Variants in PLEKHM3 observed in about 807,000 individuals in gnomAD.
The protein encoded by PLEKHM3 is pleckstrin homology domain containing M3.
In PLEKHM3, 45 loss-of-function variants were observed where a neutral mutation model predicts 81.8. The observed-to-expected ratio is 0.55, with a 90% CI of 0.43 to 0.71. The LOEUF (loss-of-function observed/expected upper bound fraction) is 0.71. PLEKHM3 is among the 30% of genes least tolerant of loss of function. The pLI, the probability that PLEKHM3 is intolerant of heterozygous loss-of-function variation, is 0.00. For missense variants in PLEKHM3, 788 were observed against 924.3 expected, an observed-to-expected ratio of 0.85 and a Z score of 1.91; for synonymous variants, 352 against 356.4, an observed-to-expected ratio of 0.99 and a Z score of 0.14.
At chr2:207,829,670 G>A (rs1318737994) in intron 7 of PLEKHM3, among the ~76,000 whole-genome samples, 1 of 152,094 alleles carries the variant, frequency 6.6e-6, no homozygotes, top group East Asian at 1.9e-4. Flanking sequence ...ATCCTTCCAC[G>A]AGGGTAACAG....
At chr2:207,927,932 C>T (rs1452138192) in intron 5 of PLEKHM3, among the ~76,000 whole-genome samples, 1 of 152,030 alleles carries the variant, frequency 6.6e-6, no homozygotes, top group African/African-American at 2.4e-5. Flanking sequence ...ATAAATCATC[C>T]CTGGTTGTTT....
intron 6 of PLEKHM3, among the ~76,000 whole-genome samples, chr2:207,893,499 G>A (rs1439498207): frequency 6.6e-6 from 1 of 152,154 alleles, no homozygotes; most frequent in Non-Finnish European, 1.5e-5. Context: ...TTAGAAGTTG[G>A]GTTTTTTAAC....
intron 6 of PLEKHM3, among the ~76,000 whole-genome samples, chr2:207,905,660 G>A (rs189165334): frequency 5.9e-5 from 9 of 152,254 alleles, no homozygotes; most frequent in Admixed American, 3.9e-4. Flanking sequence ...AAAAGTAATC[G>A]AATTAAACTT....
intron 3 of PLEKHM3, among the ~76,000 whole-genome samples, chr2:207,956,316 A>C (rs7567046): frequency 0.59 from 89,619 of 151,344 alleles, 26,929 homozygotes; most frequent in Middle Eastern, 0.79. Flanking sequence ...AATACACACA[A>C]AAAAAAATTA....
At chr2:207,974,369 G>A (rs1410810708) in intron 3 of PLEKHM3, among the ~76,000 whole-genome samples, 2 of 152,190 alleles carry the variant, frequency 1.3e-5, no homozygotes, top group Admixed American at 6.5e-5. Flanking sequence ...TACGAATGCA[G>A]TGCAGAGCAT....
At position 207,837,761 on chromosome 2, in the gene PLEKHM3, ATTTTTTTT is replaced by A. The variant is rs1194861994; in HGVS notation, c.2109-9273_2109-9266del. Among the ~76,000 whole-genome samples the A allele has an allele frequency of 7.1e-4, 53 of 74,736 alleles. 2 individuals are homozygous for A. Among genetic ancestry groups the A allele is most frequent in the South Asian group, 1.1e-3 (2 of 1,848 alleles). 49.0% of individuals were successfully genotyped at this position (74,736 alleles called of 152,430 possible). On this transcript the variant is annotated intron_variant, in intron 7 of 7. Transcript: ENST00000427836. Reference sequence around the variant, plus strand: ...GCCACGGCGCCTGGCCGGTTCTTCCATTTTTTTTTTTTTTTTTTTTTTTTTTTGAGATT... The same window carrying A: ...GCCACGGCGCCTGGCCGGTTCTTCCATTTTTTTTTTTTTTTTTTTGAGATT...
At chr2:207,841,194 C>T (rs896867230) in intron 7 of PLEKHM3, among the ~76,000 whole-genome samples, 2 of 150,962 alleles carry the variant, frequency 1.3e-5, no homozygotes, top group African/African-American at 2.4e-5. Flanking sequence ...AGACTGGGCG[C>T]GGTGGCTCAC....
At chr2:207,873,330 T>A (rs2092544674) in intron 6 of PLEKHM3, among the ~76,000 whole-genome samples, 1 of 152,160 alleles carries the variant, frequency 6.6e-6, no homozygotes, top group South Asian at 2.1e-4. Flanking sequence ...TCTATGACCT[T>A]TTCTGTTAAT....
At chr2:208,024,161 A>ACTGAACTGAACTGAACTGAAC (rs1559289177) in intron 1 of PLEKHM3, among the ~76,000 whole-genome samples, 4 of 148,402 alleles carry the variant, frequency 2.7e-5, no homozygotes, top group Middle Eastern at 3.4e-3. Flanking sequence ...ATAAAATAAA[A>ACTGAACTGAACTGAACTGAAC]TAAAATAAAA....
chr2:207,902,168 C>T (rs913595237), intron 6 of PLEKHM3, among the ~76,000 whole-genome samples: 1 of 152,264 alleles, frequency 6.6e-6, no homozygotes, highest in African/African-American at 2.4e-5. Flanking sequence ...GATGTCAACC[C>T]CTGTGTGAAT....
At position 208,019,137 on chromosome 2, in the gene PLEKHM3, C is replaced by CA. The variant is rs5838102; in HGVS notation, c.-319+6251dup. ...CAACATAGTGAGACCCCCATCTCTA[C>CA]AAAAAAAAAAAATTTAAAGTTAACC... is the stretch of plus-strand genomic sequence containing the variant. On this transcript the variant is annotated intron_variant, in intron 1 of 7. Coordinates refer to ENST00000427836, the MANE Select transcript of PLEKHM3 (RefSeq NM_001080475.3). 1.5e-3 allele frequency among the ~76,000 whole-genome samples: 225 copies of CA among 147,914 alleles called. 1 individual carries two copies. Among genetic ancestry groups the CA allele is most frequent in the African/African-American group, 5.2e-3 (205 of 39,574 alleles).
intron 5 of PLEKHM3, among the ~76,000 whole-genome samples, chr2:207,914,673 C>A (rs1688925176): frequency 8.0e-6 from 1 of 125,238 alleles, no homozygotes; most frequent in Admixed American, 7.4e-5. Context: ...TAAAGCAAGA[C>A]CCTGTGTCAA....
chr2:207,987,164 C>A (rs923051017), intron 2 of PLEKHM3, among the ~76,000 whole-genome samples: 8 of 152,172 alleles, frequency 5.3e-5, no homozygotes, highest in Non-Finnish European at 1.2e-4. Flanking sequence ...CTTGGTTCAA[C>A]CTCACCTAAT....
In PLEKHM3 at chr2:207,942,669, G is replaced by A. The variant is rs540766046; in HGVS notation, c.1692+3698C>T. ...TAATGCCAGCACTTTGGGAGGCCGA[G>A]GAGGGTGGATCACAAGGTCAAGAGA... On this transcript the variant is annotated intron_variant, in intron 4 of 7. Transcript: ENST00000427836. 2.6e-5 allele frequency among the ~76,000 whole-genome samples: 4 copies of A among 152,256 alleles called. No homozygotes were observed. In the East Asian group the frequency reaches 7.7e-4, roughly 29 times the overall value.
intron 5 of PLEKHM3, among the ~76,000 whole-genome samples, chr2:207,908,837 C>T (rs1448068336): frequency 1.3e-5 from 2 of 152,152 alleles, no homozygotes; most frequent in Non-Finnish European, 2.9e-5. Flanking sequence ...GCGTGGTGGC[C>T]CAGGTCTGAG....
intron 2 of PLEKHM3, among the ~76,000 whole-genome samples, chr2:207,997,295 C>T (rs1453585112): frequency 6.6e-6 from 1 of 152,140 alleles, no homozygotes; most frequent in African/African-American, 2.4e-5. Flanking sequence ...GGCTCAAGAG[C>T]CTGGTTATTC....
At chr2:207,866,678 T>G (rs1459053063) in intron 6 of PLEKHM3, among the ~76,000 whole-genome samples, 1 of 152,172 alleles carries the variant, frequency 6.6e-6, no homozygotes, top group Non-Finnish European at 1.5e-5. Flanking sequence ...ATGTAGAACA[T>G]GCTTGCTCTT....
chr2:207,901,361 C>T (rs1688420814), intron 6 of PLEKHM3: 3 of 702,758 alleles, frequency 4.3e-6, no homozygotes, highest in Non-Finnish European at 7.8e-6. Flanking sequence ...CAGCACCTTG[C>T]TAATCACCTG....
chr2:207,977,822 A>T (rs1691372515), intron 2 of PLEKHM3, among the ~76,000 whole-genome samples: 1 of 152,230 alleles, frequency 6.6e-6, no homozygotes, highest in Non-Finnish European at 1.5e-5. Context: ...GCGGTGGCAC[A>T]CACTTCTAAT....
Sources: allele counts gnomAD v4.1 joint callset (sites outside exome capture counted in the v4.1 genomes callset), GRCh38; gene constraint gnomAD v4.1.1; transcripts MANE v1.5; gene names NCBI Gene and HGNC (gene_info 2026-07-23, HGNC 2026-07-21).